The following CERS1 variants were observed in gnomAD, a reference collection of about 807,000 sequenced individuals.
CERS1 encodes the protein Embryonic growth/differentiation factor 1.
In CERS1, 16 loss-of-function variants were observed where a neutral mutation model predicts 35.7. That is an observed-to-expected ratio of 0.45 (90% confidence interval 0.30 to 0.68). The LOEUF (loss-of-function observed/expected upper bound fraction) is 0.68. Among genes scored for constraint, CERS1 ranks in the 30% least tolerant of loss-of-function variants. The pLI is 0.08. For missense variants in CERS1, 454 were observed against 453.9 expected, an observed-to-expected ratio of 1.00 and a Z score of 0.00; for synonymous variants, 243 against 201.6, an observed-to-expected ratio of 1.21 and a Z score of -1.74.
chr19:18,895,742 G>A lies in CERS1; in HGVS notation c.249+82C>T. On this transcript the variant is annotated intron_variant, in intron 1 of 7. Transcript: ENST00000623882. This position sits in a 1 kb window ranked among gnomAD's most constrained non-coding sequence, Gnocchi z 6.4. Reference sequence around the variant, plus strand: ...CGCAGCAGCCAGCGCTGGAAGAAAGGAACGCGCCGGCGGCCCCAGGTCCCC... The same window carrying A: ...CGCAGCAGCCAGCGCTGGAAGAAAGAAACGCGCCGGCGGCCCCAGGTCCCC... 1.3e-6 allele frequency: 1 copy of A among 756,278 alleles called. No individual in the cohort carries two copies. 46.8% of individuals were successfully genotyped at this position (756,278 alleles called of 1,614,324 possible).
intron 6 of CERS1, among the ~76,000 whole-genome samples, chr19:18,871,770 C>T (rs2055975059): frequency 6.6e-6 from 1 of 152,214 alleles, no homozygotes; most frequent in South Asian, 2.1e-4. Flanking sequence ...GGAGATAAGC[C>T]TTGCTTGGAC....
chr19:18,879,207 C>A (rs1291288637), intron 5 of CERS1, 34 bp downstream of exon 5: 29 of 1,612,206 alleles, frequency 1.8e-5, no homozygotes, highest in Non-Finnish European at 2.4e-5. Context: ...GAGGACGGGA[C>A]CGCCACTGTG....
chr19:18,884,921 G>A (rs1440214963), intron 2 of CERS1, among the ~76,000 whole-genome samples: 1 of 148,180 alleles, frequency 6.7e-6, no homozygotes, highest in Non-Finnish European at 1.5e-5. Context: ...TTGCCATGTT[G>A]GACAGACTGG....
At position 18,877,982 on chromosome 19, in the gene CERS1, A is replaced by C. The variant is rs1306021809; in HGVS notation, c.1010+948T>G. 8 of 985,302 alleles carry C rather than the reference A, an allele frequency of 8.1e-6. No individual in the cohort carries two copies. The East Asian group carries it at 3.4e-4, about 42-fold the overall frequency. 61.0% of individuals were successfully genotyped at this position (985,302 alleles called of 1,614,324 possible). A position where few individuals can be genotyped will look rare whatever the true frequency, so the allele number is the denominator to read the frequency against. On this transcript the variant is annotated intron_variant, in intron 6 of 7. Transcript: ENST00000623882. Reference sequence around the variant, plus strand: ...GCGAATCTGATGGGTTCTCCCTTCCAAACAGGGTGGGGGGTCTGACGCTCC... The same window carrying C: ...GCGAATCTGATGGGTTCTCCCTTCCCAACAGGGTGGGGGGTCTGACGCTCC...
rs369417134 is a variant in CERS1 at position 18,884,302 on chromosome 19, C to T, written c.410-35G>A. 1.4e-3 allele frequency: 2,228 copies of T among 1,579,160 alleles called. 6 individuals are homozygous for T. Among genetic ancestry groups the T allele is most frequent in the Non-Finnish European group, 1.8e-3 (2,066 of 1,165,830 alleles). On this transcript the variant is annotated intron_variant, in intron 2 of 7. Transcript: ENST00000623882. The stretch of plus-strand genomic sequence containing the variant: ...GCCAAATCTCACAGTCAGGGCCCTG[C>T]GAAGCCTCTAGACGATCGCCTCCAT...
intron 2 of CERS1, among the ~76,000 whole-genome samples, chr19:18,885,746 C>T (rs2056340622): frequency 6.7e-6 from 1 of 148,946 alleles, no homozygotes; most frequent in Non-Finnish European, 1.5e-5. Context: ...GTCTTGAACT[C>T]CTGACCTTGT....
chr19:18,870,339 A>G lies in CERS1; in HGVS notation c.*238T>C. 6.5e-7 allele frequency: 1 copy of G among 1,542,196 alleles called. No homozygotes were observed. Among genetic ancestry groups the G allele is most frequent in the Non-Finnish European group, 8.7e-7 (1 of 1,145,672 alleles). On this transcript the variant is annotated 3_prime_UTR_variant, in exon 7 of 8. Transcript: ENST00000623882. The surrounding 1 kb of genome is among the most constrained non-coding windows in gnomAD (Gnocchi z 5.1). ...CCCAGGCGATGACCAGAGAGTGCGCAGGGTCCGCGGCGGCCCGGGACCAGT... is the reference window on the plus strand; with the variant it reads ...CCCAGGCGATGACCAGAGAGTGCGCGGGGTCCGCGGCGGCCCGGGACCAGT...
Position 18,868,855 on chromosome 19 carries a change from C to T in CERS1, c.*1130G>A. On this transcript the variant is annotated 3_prime_UTR_variant, in exon 8 of 8. Coordinates refer to ENST00000623882, the MANE Select transcript of CERS1 (RefSeq NM_021267.5). ...AGTAGTTGGCCAGGAAGCCGCGCGG[C>T]GCGATGACCCAGCGGTGCCAGCCCA... The T allele has an allele frequency of 6.9e-7, 1 of 1,445,728 alleles. No homozygotes were observed. The highest frequency in any genetic ancestry group is 9.2e-7 in the Non-Finnish European group (1 of 1,091,676). The allele number at this position is 1,445,728 out of a possible 1,614,324, so 89.6% of individuals were successfully genotyped here.
intron 3 of CERS1, among the ~76,000 whole-genome samples, chr19:18,882,644 T>A (rs1253111503): frequency 1.3e-5 from 2 of 149,196 alleles, no homozygotes; most frequent in African/African-American, 4.9e-5. Context: ...CTCAAAAAAA[T>A]AAGTAAGTAA....
chr19:18,878,575 A>G lies in CERS1; in HGVS notation c.1010+355T>C. ...CAGCTCCAGTGGCGACATGGGTCAG[A>G]GGTCGTCATCCAGGCTGGCCAGCAA... is the stretch of plus-strand genomic sequence containing the variant. On this transcript the variant is annotated intron_variant, in intron 6 of 7. Coordinates refer to ENST00000623882, the MANE Select transcript of CERS1 (RefSeq NM_021267.5). The surrounding 1 kb of genome is among the most constrained non-coding windows in gnomAD (Gnocchi z 4.6). 28 of 1,088,886 alleles carry G rather than the reference A, an allele frequency of 2.6e-5. No homozygotes were observed. Among genetic ancestry groups the G allele is most frequent in the Non-Finnish European group, 3.0e-5 (27 of 890,896 alleles). The allele number at this position is 1,088,886 out of a possible 1,614,324, so 67.5% of individuals were successfully genotyped here.
At chr19:18,886,041 G>T (rs1251991521) in intron 2 of CERS1, among the ~76,000 whole-genome samples, 1 of 152,100 alleles carries the variant, frequency 6.6e-6, no homozygotes, top group Non-Finnish European at 1.5e-5. Flanking sequence ...TGACACACCA[G>T]CCCACCCCAC....
intron 1 of CERS1, 79 bp from the exon 2 acceptor site, chr19:18,893,654 C>G: frequency 7.1e-7 from 1 of 1,416,462 alleles, no homozygotes. Context: ...AAACTGAGGC[C>G]CAGGGACTCC....
rs1051017028 is a variant in CERS1 at position 18,876,506 on chromosome 19, T to C, written c.1010+2424A>G. Among the ~76,000 whole-genome samples the C allele has an allele frequency of 2.0e-5, 3 of 150,196 alleles. 1 individual carries two copies. ...ATAGGTGTGTGCCACAACACATGGC[T>C]GTTTTTTGTTTTGTTTTGTTTTGAT... On this transcript the variant is annotated intron_variant, in intron 6 of 7. Coordinates refer to ENST00000623882, the MANE Select transcript of CERS1 (RefSeq NM_021267.5).
intron 2 of CERS1, among the ~76,000 whole-genome samples, chr19:18,892,335 C>G (rs1400057276): frequency 1.3e-5 from 2 of 152,086 alleles, no homozygotes; most frequent in African/African-American, 2.4e-5. Flanking sequence ...CACATTCAGG[C>G]TAGGTGCAGT....
At chr19:18,886,169 G>A (rs921593311) in intron 2 of CERS1, among the ~76,000 whole-genome samples, 1 of 150,828 alleles carries the variant, frequency 6.6e-6, no homozygotes, top group African/African-American at 2.5e-5. Context: ...ATTTTGAGAG[G>A]CCGAGGCAGG....
At chr19:18,877,032 C>T (rs1352154248) in intron 6 of CERS1, among the ~76,000 whole-genome samples, 1 of 152,196 alleles carries the variant, frequency 6.6e-6, no homozygotes, top group Non-Finnish European at 1.5e-5. Context: ...TTTTGGAAGA[C>T]GTCTCTCAGC....
chr19:18,870,337 G>A lies in CERS1; in HGVS notation c.*240C>T. 6.5e-7 allele frequency: 1 copy of A among 1,543,298 alleles called. No individual in the cohort carries two copies. The highest frequency in any genetic ancestry group is 1.2e-5 in the South Asian group (1 of 83,776). Reference sequence around the variant, plus strand: ...CTCCCAGGCGATGACCAGAGAGTGCGCAGGGTCCGCGGCGGCCCGGGACCA... The same window carrying A: ...CTCCCAGGCGATGACCAGAGAGTGCACAGGGTCCGCGGCGGCCCGGGACCA... On this transcript the variant is annotated 3_prime_UTR_variant, in exon 7 of 8. Transcript: ENST00000623882. The surrounding 1 kb of genome is among the most constrained non-coding windows in gnomAD (Gnocchi z 5.1).
chr19:18,888,961 G>A (rs1042640716), intron 2 of CERS1, among the ~76,000 whole-genome samples: 4 of 141,330 alleles, frequency 2.8e-5, no homozygotes, highest in African/African-American at 1.1e-4. Context: ...GCATGATCTC[G>A]ACTCACTGCA....
At chr19:18,872,562 C>A (rs972891520) in intron 6 of CERS1, among the ~76,000 whole-genome samples, 1 of 151,094 alleles carries the variant, frequency 6.6e-6, no homozygotes, top group African/African-American at 2.4e-5. Flanking sequence ...GTCCCCCAGG[C>A]GGGAATGCGG....
Sources: gnomAD v4.1 joint callset for allele counts (sites outside exome capture counted in the v4.1 genomes callset) on GRCh38, gnomAD v4.1.1 for gene constraint, Gnocchi (gnomAD v3.1) non-coding constraint, MANE v1.5 for transcripts, NCBI Gene and HGNC (gene_info 2026-07-23, HGNC 2026-07-21) for gene names.